Variants in LIMK2 observed in about 807,000 individuals in gnomAD.
LIMK2 encodes LIM domain kinase 2.
Under a neutral mutation model 75.7 loss-of-function variants are expected in LIMK2, and 35 were observed. That is an observed-to-expected ratio of 0.46 (90% CI 0.35 to 0.61). LIMK2 has a LOEUF of 0.61. Ranked by LOEUF, LIMK2 falls within the 20% of genes least tolerant of loss-of-function variation. The probability of loss-of-function intolerance (pLI) is 0.00; values close to 1 mark genes in which losing one functional copy is unlikely to be tolerated. For synonymous variants in LIMK2, 301 were observed against 319.2 expected (o/e 0.94, Z 0.61); for missense variants, 623 against 831.0 (o/e 0.75, Z 3.08).
intron 15 of LIMK2, among the ~76,000 whole-genome samples, chr22:31,276,452 TCGGCGGCGGCAGCCC>T (rs1340478389): frequency 3.1e-4 from 45 of 147,222 alleles, no homozygotes; most frequent in African/African-American, 9.3e-4. Flanking sequence ...AGAAAGCGCT[TCGGCGGCGGCAGCCC>T]CGGCGGCGGC....
At chr22:31,217,741 C>A (rs1053374905) in intron 1 of LIMK2, among the ~76,000 whole-genome samples, 2 of 152,164 alleles carry the variant, frequency 1.3e-5, no homozygotes, top group East Asian at 1.9e-4. Flanking sequence ...GTTGAGTGAA[C>A]TTCTGGTTGG....
intron 7 of LIMK2, among the ~76,000 whole-genome samples, chr22:31,265,297 C>T (rs1376397664): frequency 2.0e-5 from 3 of 151,282 alleles, no homozygotes; most frequent in African/African-American, 7.3e-5. Flanking sequence ...ACCTGGAAGG[C>T]GGAGGTCGCA....
rs755909359 is a variant in LIMK2, at chr22:31,275,117, G to T, written c.1615-34G>T. On this transcript the variant is annotated intron_variant, in intron 14 of 15. Transcript: ENST00000331728. ...TTGCCAAGTATCTGTGGCCTCTGTA[G>T]TCCTTTGTAAACAGCTGTCTTCTTA... is the stretch of plus-strand genomic sequence containing the variant. The T allele has an allele frequency of 3.1e-6, 5 of 1,611,148 alleles. No homozygotes were observed. In the South Asian group the frequency reaches 4.4e-5, roughly 14 times the overall value.
At chr22:31,277,622 A>AAT (rs1189403643) in intron 15 of LIMK2, 7 of 834,428 alleles carry the variant, frequency 8.4e-6, no homozygotes, top group Middle Eastern at 6.1e-4. Context: ...TTTATTAAAA[A>AAT]ATATATATAT....
In LIMK2 at chr22:31,268,302, G is replaced by A. The variant is rs1358917756; in HGVS notation, c.1317+102G>A. ...AGAGACCCCTTCCTATGCAACTTGT[G>A]TGGGCTGGGTCAGCAGCTATTCATT... On this transcript the variant is annotated intron_variant, in intron 11 of 15. Coordinates refer to ENST00000331728, the MANE Select transcript of LIMK2 (RefSeq NM_005569.4). 1.8e-5 allele frequency: 17 copies of A among 931,028 alleles called. No individual in the cohort carries two copies. The East Asian group carries it at 3.4e-4, about 18-fold the overall frequency. The allele number at this position is 931,028 out of a possible 1,614,324, so 57.7% of individuals were successfully genotyped here. A position where few individuals can be genotyped will look rare whatever the true frequency, so the allele number is the denominator to read the frequency against.
Position 31,259,231 on chromosome 22 carries a change from G to A in LIMK2, c.362+1G>A, listed in dbSNP as rs1477540323. On this transcript the variant is annotated splice_donor_variant, in intron 4 of 15. Transcript: ENST00000331728. LOFTEE classifies it high-confidence loss of function. ...TGGTGCAGCATGCCACCCTCTACTG[G>A]TAAGATAGTGGTCCTTTGTCTATCC... is the stretch of plus-strand genomic sequence containing the variant. 6.4e-7 allele frequency: 1 copy of A among 1,574,182 alleles called. No homozygotes were observed. Among genetic ancestry groups the A allele is most frequent in the South Asian group, 1.1e-5 (1 of 90,222 alleles).
At chr22:31,246,378 A>G (rs1452515531) in intron 2 of LIMK2, among the ~76,000 whole-genome samples, 4 of 152,026 alleles carry the variant, frequency 2.6e-5, no homozygotes, top group South Asian at 2.1e-4. Flanking sequence ...GAAAAAAAAA[A>G]AAAAGAAAAA....
intron 2 of LIMK2, among the ~76,000 whole-genome samples, chr22:31,236,191 G>T (rs367593546): frequency 6.6e-6 from 1 of 151,822 alleles, no homozygotes; most frequent in South Asian, 2.1e-4. Context: ...CTACCCAGGA[G>T]CCTGAGGCGG....
intron 2 of LIMK2, among the ~76,000 whole-genome samples, chr22:31,246,183 G>GCGCGCA (rs746599250): frequency 3.0e-5 from 4 of 134,994 alleles, no homozygotes; most frequent in South Asian, 2.5e-4. Flanking sequence ...ACGCACGCAC[G>GCGCGCA]CACACACACA....
chr22:31,259,986 T>C lies in LIMK2; in HGVS notation c.460T>C (p.Ser154Pro). 6.2e-7 allele frequency: 1 copy of C among 1,611,736 alleles called. No individual in the cohort carries two copies. The highest frequency in any genetic ancestry group is 8.5e-7 in the Non-Finnish European group (1 of 1,179,470). The change falls in exon 5 of 16, where the codon TCC becomes CCC. Residue 154 changes from serine to proline, a missense_variant. By Grantham distance (74) the Ser-to-Pro change is moderately conservative. Around this residue, in one of 3 missense-constraint regions of LIMK2, gnomAD observed 514 missense variants for 661.3 expected, o/e 0.78. Transcript: ENST00000331728. ...EQLPYSVTLISMPATTEGRRG... is the reference protein window; with the variant it reads ...EQLPYSVTLIPMPATTEGRRG... Reference sequence around the variant, plus strand: ...GCTGCCCTACTCTGTCACGCTCATCTCCATGCCGGCCACCACTGAAGGCAG... The same window carrying C: ...GCTGCCCTACTCTGTCACGCTCATCCCCATGCCGGCCACCACTGAAGGCAG...
chr22:31,215,190 A>T (rs549151889), intron 1 of LIMK2, among the ~76,000 whole-genome samples: 1 of 152,190 alleles, frequency 6.6e-6, no homozygotes, highest in Non-Finnish European at 1.5e-5. Flanking sequence ...ATATTTTCCA[A>T]CTTCAAGTTT....
intron 2 of LIMK2, among the ~76,000 whole-genome samples, chr22:31,246,168 G>GACAC (rs1238224932): frequency 3.5e-5 from 3 of 84,932 alleles, no homozygotes; most frequent in Non-Finnish European, 6.1e-5. Flanking sequence ...GCGAGACTCC[G>GACAC]ACACACGCAC....
chr22:31,266,238 C>CAGGAAGG, intron 8 of LIMK2, 106 bp downstream of exon 8: 2 of 1,141,496 alleles, frequency 1.8e-6, no homozygotes, highest in Non-Finnish European at 2.5e-6. Context: ...TGCAGGATGC[C>CAGGAAGG]AGGCCTCCTT....
intron 11 of LIMK2, among the ~76,000 whole-genome samples, chr22:31,268,615 C>T (rs147996426): frequency 1.3e-5 from 2 of 152,238 alleles, no homozygotes; most frequent in East Asian, 1.9e-4. Flanking sequence ...GGCAGAGAGG[C>T]ACCAGGATTG....
intron 2 of LIMK2, among the ~76,000 whole-genome samples, chr22:31,229,739 C>T (rs1448889645): frequency 6.6e-6 from 1 of 152,188 alleles, no homozygotes; most frequent in African/African-American, 2.4e-5. Context: ...AAACTCCTCC[C>T]CTCATCTCTC....
chr22:31,266,099 C>G lies in LIMK2; in HGVS notation c.1008C>G (p.Val336=). Residue 336 remains valine, a synonymous_variant, in exon 8 of 16, where the codon GTC becomes GTG. Transcript: ENST00000331728. ...FRPCDLIHGE[V]LGKGFFGQAI... is the part of the protein sequence containing the mutation. ...CCTGTGACCTAATCCATGGGGAGGT[C>G]CTGGGGAAGGGCTTCTTTGGGCAGG... The G allele has an allele frequency of 6.2e-7, 1 of 1,614,206 alleles. No homozygotes were observed. Among genetic ancestry groups the G allele is most frequent in the Middle Eastern group, 1.6e-4 (1 of 6,062 alleles).
At chr22:31,261,791 TA>T (rs946353792) in intron 5 of LIMK2, among the ~76,000 whole-genome samples, 4 of 149,544 alleles carry the variant, frequency 2.7e-5, no homozygotes, top group Non-Finnish European at 3.0e-5. Flanking sequence ...AAACAAAGTT[TA>T]AAAAAAAAAT....
At position 31,279,483 on chromosome 22, in the gene LIMK2, A is replaced by C. The variant is rs2049064656; in HGVS notation, c.*1042A>C. On this transcript the variant is annotated 3_prime_UTR_variant, in exon 16 of 16. Transcript: ENST00000331728. ...TTGGGCTGGGAAGAGGTGGTGGCAG[A>C]GTCTCAAAGCTGAGATGCTGAGAGA... is the stretch of plus-strand genomic sequence containing the variant. The C allele has an allele frequency of 6.6e-6, 1 of 152,244 alleles. No homozygotes were observed. The highest frequency in any genetic ancestry group is 1.5e-5 in the Non-Finnish European group (1 of 68,064). 9.4% of individuals were successfully genotyped at this position (152,244 alleles called of 1,614,324 possible).
At position 31,266,033 on chromosome 22, in the gene LIMK2, C is replaced by T. The variant is rs909140455; in HGVS notation, c.942C>T (p.Ser314=). ...GCCGTGACATCAGCCGCTCAGAATC[C>T]CTTCGTTGTTCCAGCAGCTATTCAC... ...LFSRDISRSE[S]LRCSSSYSQQ... is the part of the protein sequence containing the mutation. The change falls in exon 8 of 16, where the codon TCC becomes TCT. Residue 314 remains serine (S), a synonymous_variant. Transcript: ENST00000331728. 1.9e-6 allele frequency: 3 copies of T among 1,614,064 alleles called. No individual in the cohort carries two copies. The highest frequency in any genetic ancestry group is 1.3e-5 in the African/African-American group (1 of 74,916).
Sources: allele counts gnomAD v4.1 joint callset (sites outside exome capture counted in the v4.1 genomes callset), GRCh38; gene constraint gnomAD v4.1.1; regional missense constraint gnomAD v4.1.1; transcripts MANE v1.5; gene names NCBI Gene and HGNC (gene_info 2026-07-23, HGNC 2026-07-21).